Variants in CMIP observed in about 807,000 individuals in gnomAD.
The protein encoded by CMIP is C-Maf-inducing protein.
CMIP carries 13 observed loss-of-function variants against 97.3 expected under a neutral mutation model. That is an observed-to-expected ratio of 0.13 (90% CI 0.09 to 0.21). The LOEUF is 0.21. Ranked by LOEUF, CMIP falls within the 10% of genes least tolerant of loss-of-function variation. The probability of loss-of-function intolerance (pLI) is 1.00; values close to 1 mark genes in which losing one functional copy is unlikely to be tolerated. For synonymous variants in CMIP, 538 were observed against 436.3 expected, an observed-to-expected ratio of 1.23 and a Z score of -2.91; for missense variants, 847 against 1,024.9, an observed-to-expected ratio of 0.83 and a Z score of 2.37.
chr16:81,563,037 G>T (rs1339275497), intron 1 of CMIP, among the ~76,000 whole-genome samples: 1 of 152,172 alleles, frequency 6.6e-6, no homozygotes, highest in Non-Finnish European at 1.5e-5. Flanking sequence ...CAGTGGGCAG[G>T]AATCTCACGT....
At chr16:81,531,184 A>T (rs912664113) in intron 1 of CMIP, among the ~76,000 whole-genome samples, 15 of 152,130 alleles carry the variant, frequency 9.9e-5, no homozygotes, top group African/African-American at 3.6e-4. Context: ...TCCGTAAAAG[A>T]TGAGGGAAAC....
intron 10 of CMIP, among the ~76,000 whole-genome samples, chr16:81,680,474 G>A (rs932915988): frequency 6.6e-6 from 1 of 152,212 alleles, no homozygotes; most frequent in Non-Finnish European, 1.5e-5. Context: ...CGTGGAGGCA[G>A]CGTCCCCACA....
At chr16:81,618,321 G>A (rs2150957761) in intron 2 of CMIP, among the ~76,000 whole-genome samples, 1 of 152,192 alleles carries the variant, frequency 6.6e-6, no homozygotes, top group African/African-American at 2.4e-5. Context: ...TCTGACCTCT[G>A]CTTTAGTCTG....
In CMIP at chr16:81,703,935, G is replaced by C. The variant is rs375809029; in HGVS notation, c.1945-4G>C. On this transcript the variant is annotated splice_polypyrimidine_tract_variant and splice_region_variant and intron_variant, in intron 17 of 20. Coordinates refer to ENST00000537098, the MANE Select transcript of CMIP (RefSeq NM_198390.3). ...CCTCAGGCCTCTCCCCCGTCTGCCCGCAGGACGCTGACTTGGCTCGTTTGC... is the reference window on the plus strand; with the variant it reads ...CCTCAGGCCTCTCCCCCGTCTGCCCCCAGGACGCTGACTTGGCTCGTTTGC... 1 of 1,591,564 alleles carries C rather than the reference G, an allele frequency of 6.3e-7. No homozygotes were observed. The highest frequency in any genetic ancestry group is 8.5e-7 in the Non-Finnish European group (1 of 1,171,672).
chr16:81,497,366 T>C (rs898887130), intron 1 of CMIP, among the ~76,000 whole-genome samples: 1 of 152,168 alleles, frequency 6.6e-6, no homozygotes, highest in African/African-American at 2.4e-5. Flanking sequence ...TAGGAAGAAC[T>C]TGGGGCTCAG....
intron 3 of CMIP, among the ~76,000 whole-genome samples, chr16:81,645,183 C>T (rs1208541942): frequency 1.3e-5 from 2 of 152,244 alleles, no homozygotes. Context: ...CTGGTAGCTT[C>T]TGGACTAGGC....
At chr16:81,504,641 CAAA>C (rs149715666) in intron 1 of CMIP, among the ~76,000 whole-genome samples, 16 of 71,988 alleles carry the variant, frequency 2.2e-4, no homozygotes, top group East Asian at 5.8e-4. Context: ...AGACTCGTCT[CAAA>C]AAAAAAAAAA....
At chr16:81,457,854 C>T (rs576305107) in intron 1 of CMIP, among the ~76,000 whole-genome samples, 7 of 152,170 alleles carry the variant, frequency 4.6e-5, no homozygotes, top group Non-Finnish European at 1.0e-4. Flanking sequence ...GGCCAAGAGC[C>T]GGTGGGCCAC....
chr16:81,705,450 C>T (rs772323977), intron 18 of CMIP, 49 bp from the exon 19 acceptor site: 2 of 1,362,112 alleles, frequency 1.5e-6, no homozygotes, highest in Non-Finnish European at 2.0e-6. Flanking sequence ...CTCAGAGTCA[C>T]TTCCCCAGGA....
chr16:81,522,626 G>T (rs1021169549), intron 1 of CMIP, among the ~76,000 whole-genome samples: 6 of 152,184 alleles, frequency 3.9e-5, no homozygotes, highest in Admixed American at 6.5e-5. Context: ...TTCCAGGTTG[G>T]TTAACAAATA....
At chr16:81,578,242 CCAT>C (rs1480354823) in intron 1 of CMIP, among the ~76,000 whole-genome samples, 2 of 152,240 alleles carry the variant, frequency 1.3e-5, no homozygotes. Context: ...TTCATCACCA[CCAT>C]CATCTTCGTC....
At chr16:81,705,311 C>G (rs138072818) in intron 18 of CMIP, among the ~76,000 whole-genome samples, 188 bp from the exon 19 acceptor site, 145 of 152,366 alleles carry the variant, frequency 9.5e-4, no homozygotes, top group African/African-American at 3.1e-3. Flanking sequence ...AAGCTGGATT[C>G]TAACCCGGTT....
rs183682876 is a variant in CMIP at position 81,605,847 on chromosome 16, C to G, written c.301-1720C>G. On this transcript the variant is annotated intron_variant, in intron 1 of 20. Coordinates refer to ENST00000537098, the MANE Select transcript of CMIP (RefSeq NM_198390.3). ...TTATTCACTGCTGAATCTCCAGCACCTAGCATGGCGCCTGCAGCATAACGG... is the reference window on the plus strand; with the variant it reads ...TTATTCACTGCTGAATCTCCAGCACGTAGCATGGCGCCTGCAGCATAACGG... Among the ~76,000 whole-genome samples, 38 of 152,376 alleles carry G rather than the reference C, an allele frequency of 2.5e-4. 1 individual carries two copies. In the East Asian group the frequency reaches 7.1e-3, roughly 29 times the overall value.
At chr16:81,700,079 G>T (rs1375581509) in intron 15 of CMIP, among the ~76,000 whole-genome samples, 2 of 152,190 alleles carry the variant, frequency 1.3e-5, no homozygotes, top group Non-Finnish European at 2.9e-5. Context: ...CTAAGTGAGG[G>T]CTTTAAAACA....
At chr16:81,625,930 C>T (rs1032241317) in intron 3 of CMIP, among the ~76,000 whole-genome samples, 5 of 152,244 alleles carry the variant, frequency 3.3e-5, no homozygotes, top group Admixed American at 1.3e-4. Flanking sequence ...AGCCGGGGAC[C>T]AATGAGCAGA....
At chr16:81,456,082 G>A (rs1470843108) in intron 1 of CMIP, among the ~76,000 whole-genome samples, 2 of 152,226 alleles carry the variant, frequency 1.3e-5, no homozygotes, top group Non-Finnish European at 2.9e-5. Context: ...GTTGGTTCAT[G>A]TTTCACGACC....
chr16:81,682,429 G>A (rs1184819230), intron 10 of CMIP, among the ~76,000 whole-genome samples: 1 of 152,174 alleles, frequency 6.6e-6, no homozygotes, highest in African/African-American at 2.4e-5. Context: ...GCCTGGCGTG[G>A]TGGCACATGC....
At chr16:81,501,973 G>A (rs1329949991) in intron 1 of CMIP, among the ~76,000 whole-genome samples, 2 of 152,206 alleles carry the variant, frequency 1.3e-5, no homozygotes, top group East Asian at 3.8e-4. Flanking sequence ...CAACAATCCT[G>A]GGGATGATGG....
At chr16:81,571,489 A>G (rs1035351866) in intron 1 of CMIP, among the ~76,000 whole-genome samples, 11 of 147,690 alleles carry the variant, frequency 7.4e-5, no homozygotes, top group African/African-American at 2.8e-4. Context: ...AGCCCAGCGC[A>G]GTGGCTCACA....
Sources: allele counts gnomAD v4.1 joint callset (sites outside exome capture counted in the v4.1 genomes callset), GRCh38; gene constraint gnomAD v4.1.1; transcripts MANE v1.5; gene names NCBI Gene and HGNC (gene_info 2026-07-23, HGNC 2026-07-21).